KAT14: variants seen among roughly 807,000 people sequenced by gnomAD.
KAT14 encodes lysine acetyltransferase 14.
In KAT14, 66 loss-of-function variants were observed where a neutral mutation model predicts 78.4. That is an observed-to-expected ratio of 0.84 (90% CI 0.69 to 1.03). The LOEUF (loss-of-function observed/expected upper bound fraction) is 1.03. Among genes scored for constraint, KAT14 ranks in the 50% least tolerant of loss-of-function variants. The probability of loss-of-function intolerance (pLI) is 0.00; values close to 1 mark genes in which losing one functional copy is unlikely to be tolerated. For synonymous variants in KAT14, 344 were observed against 359.4 expected (o/e 0.96, Z 0.48); for missense variants, 870 against 972.5 (o/e 0.89, Z 1.40).
At chr20:18,143,086 C>G (rs1302077650) in intron 2 of KAT14, 167 bp downstream of exon 2, 41 of 1,404,840 alleles carry the variant, frequency 2.9e-5, no homozygotes, top group Non-Finnish European at 3.6e-5. Flanking sequence ...CATGTTTGTA[C>G]TAATGAAACG....
At chr20:18,140,607 C>T (rs1334121036) in intron 1 of KAT14, among the ~76,000 whole-genome samples, 3 of 151,568 alleles carry the variant, frequency 2.0e-5, no homozygotes, top group Non-Finnish European at 2.9e-5. Context: ...GTCAGGAGTT[C>T]GAGACCAGCC....
At chr20:18,157,461 C>T (rs1426019794) in intron 4 of KAT14, among the ~76,000 whole-genome samples, 2 of 152,294 alleles carry the variant, frequency 1.3e-5, no homozygotes, top group South Asian at 2.1e-4. Context: ...GCAGTAAAAA[C>T]AGTGAAAATT....
At chr20:18,150,265 A>G (rs1045670834) in intron 3 of KAT14, among the ~76,000 whole-genome samples, 1 of 152,208 alleles carries the variant, frequency 6.6e-6, no homozygotes, top group Non-Finnish European at 1.5e-5. Context: ...AAAATGGCTA[A>G]GTCACCGAGT....
At chr20:18,137,807 C>T (rs561389288), upstream of KAT14, 1,319 of 815,882 alleles carry the variant, frequency 1.6e-3, 4 homozygotes, top group Non-Finnish European at 1.6e-3. Flanking sequence ...CGATTGCTCA[C>T]GCCTGGCAGC....
intron 9 of KAT14, 72 bp from the exon 10 acceptor site, chr20:18,184,530 T>C (rs1442698359): frequency 1.3e-4 from 175 of 1,331,438 alleles, no homozygotes; most frequent in Non-Finnish European, 1.7e-4. Flanking sequence ...TATATGTACA[T>C]GCTGAACAGC....
chr20:18,174,001 C>G (rs1467630703), intron 7 of KAT14, among the ~76,000 whole-genome samples: 2 of 152,214 alleles, frequency 1.3e-5, no homozygotes, highest in Non-Finnish European at 2.9e-5. Flanking sequence ...CCTATTCCTA[C>G]TGCCCATGAA....
At chr20:18,143,932 G>C (rs990145648) in intron 2 of KAT14, among the ~76,000 whole-genome samples, 1 of 152,154 alleles carries the variant, frequency 6.6e-6, no homozygotes, top group African/African-American at 2.4e-5. Flanking sequence ...GCTCGGCCCT[G>C]ATCTTGAGAT....
At chr20:18,149,905 G>A (rs565840027) in intron 3 of KAT14, among the ~76,000 whole-genome samples, 4 of 152,172 alleles carry the variant, frequency 2.6e-5, no homozygotes, top group African/African-American at 7.2e-5. Context: ...AGCCGAGATC[G>A]CACCATCACA....
At chr20:18,154,385 T>C (rs1174783723) in intron 4 of KAT14, among the ~76,000 whole-genome samples, 1 of 152,222 alleles carries the variant, frequency 6.6e-6, no homozygotes, top group Non-Finnish European at 1.5e-5. Context: ...TGATCTCGGC[T>C]CACTGCAACC....
At chr20:18,164,443 C>G (rs1233690341) in intron 7 of KAT14, among the ~76,000 whole-genome samples, 1 of 152,060 alleles carries the variant, frequency 6.6e-6, no homozygotes, top group Non-Finnish European at 1.5e-5. Flanking sequence ...CATAGTCATA[C>G]CCCCCAGGCT....
chr20:18,176,935 G>A (rs2039072720), intron 7 of KAT14, among the ~76,000 whole-genome samples: 2 of 152,274 alleles, frequency 1.3e-5, no homozygotes, highest in Middle Eastern at 6.8e-3. Flanking sequence ...GCAGCATTGG[G>A]AGTGGTTTAC....
At chr20:18,171,663 T>G (rs1233038653) in intron 7 of KAT14, among the ~76,000 whole-genome samples, 1 of 151,982 alleles carries the variant, frequency 6.6e-6, no homozygotes, top group Non-Finnish European at 1.5e-5. Flanking sequence ...AATACAAAAA[T>G]TAGCCAGGCG....
At chr20:18,185,724 G>A (rs1249191039) in intron 10 of KAT14, among the ~76,000 whole-genome samples, 2 of 152,126 alleles carry the variant, frequency 1.3e-5, no homozygotes, top group Admixed American at 1.3e-4. Flanking sequence ...CATTTGGTAT[G>A]GAGGATTATA....
At chr20:18,160,682 A>AG (rs2038386796) in intron 5 of KAT14, among the ~76,000 whole-genome samples, 1 of 152,058 alleles carries the variant, frequency 6.6e-6, no homozygotes, top group African/African-American at 2.4e-5. Context: ...GTTGGGCTCA[A>AG]GTGATCCTCC....
intron 7 of KAT14, among the ~76,000 whole-genome samples, chr20:18,174,986 A>G (rs949803705): frequency 4.0e-5 from 6 of 150,962 alleles, no homozygotes; most frequent in African/African-American, 1.5e-4. Context: ...CTTTTTATTT[A>G]TGGGTCTTGA....
chr20:18,141,193 TTAGAG>T (rs1409148355), intron 1 of KAT14, among the ~76,000 whole-genome samples: 2 of 151,892 alleles, frequency 1.3e-5, no homozygotes, highest in East Asian at 3.9e-4. Context: ...CCTAAAACCT[TTAGAG>T]TATTTTGTGA....
At chr20:18,143,644 T>TTTA (rs2037690910) in intron 2 of KAT14, among the ~76,000 whole-genome samples, 25 of 148,718 alleles carry the variant, frequency 1.7e-4, no homozygotes, top group Non-Finnish European at 2.2e-4. Context: ...TTTTTTTTTT[T>TTTA]GAGACGGAGT....
rs756739367 is a variant in KAT14, at chr20:18,142,840, C to T, written c.180C>T (p.Asn60=). 3.7e-6 allele frequency: 6 copies of T among 1,614,040 alleles called. No homozygotes were observed. Among genetic ancestry groups the T allele is most frequent in the Non-Finnish European group, 4.2e-6 (5 of 1,180,042 alleles). Residue 60 remains asparagine (N), a synonymous_variant, in exon 2 of 11, where the codon AAC becomes AAT. Coordinates refer to ENST00000688188, the MANE Select transcript of KAT14 (RefSeq NM_001392073.1). ...LSHDQSGDSL[N]SDEGDVSWME... ...ACGACCAGAGTGGGGATTCCCTCAA[C>T]AGTGATGAAGGAGACGTGTCTTGGA...
chr20:18,173,786 A>G (rs774826961), intron 7 of KAT14, among the ~76,000 whole-genome samples: 4 of 152,122 alleles, frequency 2.6e-5, no homozygotes, highest in Non-Finnish European at 4.4e-5. Context: ...AGGCTCCTCC[A>G]TTACCTTGGA....
Sources: allele counts gnomAD v4.1 joint callset (sites outside exome capture counted in the v4.1 genomes callset), GRCh38; gene constraint gnomAD v4.1.1; transcripts MANE v1.5; gene names NCBI Gene and HGNC (gene_info 2026-07-23, HGNC 2026-07-21).